Variants in SCTR observed in about 807,000 individuals in gnomAD.
The protein encoded by SCTR is pancreatic secretin receptor.
A neutral mutation model predicts 60.8 loss-of-function variants in SCTR; 56 were observed. That is an observed-to-expected ratio of 0.92 (90% confidence interval 0.74 to 1.15). The LOEUF (loss-of-function observed/expected upper bound fraction) is 1.15. Among genes scored for constraint, SCTR ranks in the 50% most tolerant of loss-of-function variants. The pLI is 0.00. For synonymous variants in SCTR, 202 were observed against 217.0 expected, an observed-to-expected ratio of 0.93 and a Z score of 0.61; for missense variants, 562 against 550.4, an observed-to-expected ratio of 1.02 and a Z score of -0.21.
At chr2:119,522,662 C>T (rs1473610131) in intron 1 of SCTR, among the ~76,000 whole-genome samples, 2 of 152,168 alleles carry the variant, frequency 1.3e-5, no homozygotes, top group Non-Finnish European at 2.9e-5. Context: ...AACCTCAGTC[C>T]TGCACTCGAG....
At chr2:119,449,825 T>A (rs1212758257) in intron 9 of SCTR, among the ~76,000 whole-genome samples, 1 of 152,174 alleles carries the variant, frequency 6.6e-6, no homozygotes, top group Non-Finnish European at 1.5e-5. Context: ...TGCAACTTGC[T>A]TATGCATCTT....
intron 9 of SCTR, among the ~76,000 whole-genome samples, chr2:119,450,697 C>T (rs1243677225): frequency 6.6e-6 from 1 of 151,948 alleles, no homozygotes; most frequent in African/African-American, 2.4e-5. Flanking sequence ...GTGCCAGGCA[C>T]AGTGGTTCAC....
chr2:119,504,391 G>A lies in SCTR; in HGVS notation c.73-9843C>T, dbSNP rs376044625. The stretch of plus-strand genomic sequence containing the variant: ...GCGGATCACCTGGGATCGGGAGTTC[G>A]AGATCAGCCTGACCAAGATGGTGAA... On this transcript the variant is annotated intron_variant, in intron 1 of 12. Transcript: ENST00000019103. Among the ~76,000 whole-genome samples the A allele has an allele frequency of 6.2e-4, 95 of 152,164 alleles. 1 individual carries two copies. In the South Asian group the frequency reaches 9.7e-3, roughly 16 times the overall value.
Position 119,444,498 on chromosome 2 carries a change from T to C in SCTR, c.1140+2261A>G, listed in dbSNP as rs1486915338. On this transcript the variant is annotated intron_variant, in intron 11 of 12. Coordinates refer to ENST00000019103, the MANE Select transcript of SCTR (RefSeq NM_002980.3). ...ACGTACGTATATATATACACATATA[T>C]ACGTACGTATATATATACACATATA... 2.8e-4 allele frequency among the ~76,000 whole-genome samples: 27 copies of C among 96,228 alleles called. 3 individuals are homozygous for C. The highest frequency in any genetic ancestry group is 0.01 in the Middle Eastern group (1 of 100). 63.1% of individuals were successfully genotyped at this position (96,228 alleles called of 152,430 possible). A position where few individuals can be genotyped will look rare whatever the true frequency, so the allele number is the denominator to read the frequency against.
chr2:119,474,593 C>T (rs374246408), intron 3 of SCTR, among the ~76,000 whole-genome samples: 16 of 152,232 alleles, frequency 1.1e-4, no homozygotes, highest in African/African-American at 3.9e-4. Flanking sequence ...TTTGCTCTCA[C>T]TGGAGCCTTA....
intron 4 of SCTR, among the ~76,000 whole-genome samples, chr2:119,466,176 C>G (rs949241220): frequency 6.6e-6 from 1 of 152,066 alleles, no homozygotes. Flanking sequence ...CAAACCTTTG[C>G]TTGAATACCT....
At chr2:119,498,355 A>G (rs569494164) in intron 1 of SCTR, among the ~76,000 whole-genome samples, 1 of 152,256 alleles carries the variant, frequency 6.6e-6, no homozygotes, top group African/African-American at 2.4e-5. Flanking sequence ...GACTCACCCT[A>G]AAAGAATGGC....
At chr2:119,464,392 A>G in intron 5 of SCTR, 137 bp from the exon 6 acceptor site, 1 of 791,422 alleles carries the variant, frequency 1.3e-6, no homozygotes, top group Non-Finnish European at 2.1e-6. Context: ...TTCTGTGAGC[A>G]TAACCTGAAT....
At chr2:119,477,381 C>T (rs1024676885) in intron 3 of SCTR, among the ~76,000 whole-genome samples, 3 of 152,134 alleles carry the variant, frequency 2.0e-5, no homozygotes, top group South Asian at 2.1e-4. Context: ...CTGGGGTCAC[C>T]GTGTAGAGGA....
intron 4 of SCTR, among the ~76,000 whole-genome samples, chr2:119,473,209 C>T (rs1015045537): frequency 2.0e-5 from 3 of 152,138 alleles, no homozygotes; most frequent in Non-Finnish European, 2.9e-5. Context: ...TGGTATGCGA[C>T]AGTTCCTACC....
chr2:119,478,349 G>T (rs189437237), intron 3 of SCTR, among the ~76,000 whole-genome samples: 1 of 152,098 alleles, frequency 6.6e-6, no homozygotes, highest in African/African-American at 2.4e-5. Context: ...ACAACCCCTC[G>T]CCCCAGGAGG....
intron 11 of SCTR, among the ~76,000 whole-genome samples, chr2:119,446,492 A>G (rs1419928613): frequency 6.6e-6 from 1 of 152,148 alleles, no homozygotes; most frequent in African/African-American, 2.4e-5. Context: ...AGAGTTGTAC[A>G]ATATAGTGTA....
At chr2:119,479,156 G>GAAGAAGGGAAGAAGGAAAGA in intron 2 of SCTR, 1 of 1,256,798 alleles carries the variant, frequency 8.0e-7, no homozygotes, top group Non-Finnish European at 1.0e-6. Flanking sequence ...GAAAGGGAGG[G>GAAGAAGGGAAGAAGGAAAGA]AGGAAGGGAA....
chr2:119,464,152 C>T lies in SCTR; in HGVS notation c.607G>A (p.Asp203Asn). Reference sequence around the variant, plus strand: ...TGGGCATCGCAGTAGGTGACATCATCTGAGGAGAAGAGCACGGCGTCCTTG... The same window carrying T: ...TGGGCATCGCAGTAGGTGACATCATTTGAGGAGAAGAGCACGGCGTCCTTG... ...FIKDAVLFSS[D>N]DVTYCDAHRA... Residue 203 changes from aspartate (D) to asparagine (N), a missense_variant, in exon 6 of 13, where the codon GAT becomes AAT. Physicochemically the swap from Asp to Asn is conservative, Grantham distance 23. Transcript: ENST00000019103. 1 of 1,614,188 alleles carries T rather than the reference C, an allele frequency of 6.2e-7. No homozygotes were observed. Among genetic ancestry groups the T allele is most frequent in the Non-Finnish European group, 8.5e-7 (1 of 1,180,028 alleles).
intron 1 of SCTR, among the ~76,000 whole-genome samples, chr2:119,523,390 C>T (rs536876962): frequency 1.4e-4 from 18 of 132,560 alleles, no homozygotes; most frequent in African/African-American, 4.9e-4. Flanking sequence ...CCCATCCTGC[C>T]GCTATTATTA....
chr2:119,446,834 G>A lies in SCTR; in HGVS notation c.1065C>T (p.Tyr355=), dbSNP rs1209719740. The A allele has an allele frequency of 6.3e-7, 1 of 1,583,802 alleles. No homozygotes were observed. The highest frequency in any genetic ancestry group is 8.6e-7 in the Non-Finnish European group (1 of 1,164,310). Residue 355 remains tyrosine (Y), a synonymous_variant, in exon 11 of 13, where the codon TAC becomes TAT. Transcript: ENST00000019103. ...LLLIPLFGIH[Y]IVFAFSPEDA... is the part of the protein sequence containing the mutation. ...CCTCTGGGGAGAAGGCGAAGACGAT[G>A]TAGTGGATGCCAAAGAGGGGGATCA...
intron 4 of SCTR, among the ~76,000 whole-genome samples, chr2:119,472,127 G>A (rs561757464): frequency 6.6e-6 from 1 of 152,306 alleles, no homozygotes; most frequent in East Asian, 1.9e-4. Context: ...AGTGTTTGTG[G>A]AGTGAATGAA....
At chr2:119,477,343 T>C (rs1677371802) in intron 3 of SCTR, among the ~76,000 whole-genome samples, 1 of 152,216 alleles carries the variant, frequency 6.6e-6, no homozygotes, top group African/African-American at 2.4e-5. Context: ...GGAAACTATG[T>C]GATGCCACGG....
At chr2:119,478,965 G>T in intron 2 of SCTR, 47 bp from the exon 3 acceptor site, 1 of 1,611,628 alleles carries the variant, frequency 6.2e-7, no homozygotes, top group Non-Finnish European at 8.5e-7. Context: ...TGGACCGAGG[G>T]CTGCCCTACC....
Sources: allele counts gnomAD v4.1 joint callset (sites outside exome capture counted in the v4.1 genomes callset), GRCh38; gene constraint gnomAD v4.1.1; transcripts MANE v1.5; gene names NCBI Gene and HGNC (gene_info 2026-07-23, HGNC 2026-07-21).